Variants in ZFR observed in about 807,000 individuals in gnomAD.
The protein encoded by ZFR is zinc finger RNA binding protein.
Under a neutral mutation model 130.7 loss-of-function variants are expected in ZFR, and 19 were observed. The ratio of observed to expected loss-of-function variants is 0.15; its 90% CI spans 0.10 to 0.21. ZFR has a LOEUF of 0.21. Among genes scored for constraint, ZFR ranks in the 10% least tolerant of loss-of-function variants. The pLI is 1.00. For synonymous variants in ZFR, 466 were observed against 456.9 expected, an observed-to-expected ratio of 1.02 and a Z score of -0.25; for missense variants, 872 against 1,321.5, an observed-to-expected ratio of 0.66 and a Z score of 5.27.
At chr5:32,398,183 T>C (rs1753361899) in intron 9 of ZFR, among the ~76,000 whole-genome samples, 1 of 152,142 alleles carries the variant, frequency 6.6e-6, no homozygotes. Context: ...TATTTTTGTA[T>C]GTATGTAAGC....
chr5:32,416,696 G>A lies in ZFR; in HGVS notation c.565+952C>T, dbSNP rs1753834608. Among the ~76,000 whole-genome samples, 10 of 151,624 alleles carry A rather than the reference G, an allele frequency of 6.6e-5. 1 individual carries two copies. In the South Asian group the frequency reaches 2.1e-3, roughly 32 times the overall value. ...AAACATGTTAAAACCACTTTTAAGG[G>A]ACTCATAAAATCTTACAACTAGAAG... is the stretch of plus-strand genomic sequence containing the variant. On this transcript the variant is annotated intron_variant, in intron 4 of 19. Transcript: ENST00000265069.
At chr5:32,436,536 T>C (rs1281727840) in intron 2 of ZFR, among the ~76,000 whole-genome samples, 3 of 152,226 alleles carry the variant, frequency 2.0e-5, no homozygotes, top group African/African-American at 2.4e-5. Flanking sequence ...GTACTTTCTC[T>C]AGTTTCATCC....
chr5:32,440,464 A>G (rs899503013), intron 2 of ZFR, among the ~76,000 whole-genome samples: 2 of 152,146 alleles, frequency 1.3e-5, no homozygotes, highest in African/African-American at 4.8e-5. Flanking sequence ...CCTGGCCAAC[A>G]TGGTGAAACT....
intron 11 of ZFR, 52 bp from the exon 12 acceptor site, chr5:32,390,489 G>A: frequency 1.3e-6 from 2 of 1,521,982 alleles, no homozygotes; most frequent in Non-Finnish European, 8.9e-7. Flanking sequence ...TACAGCCCAA[G>A]AACTTGCATC....
At chr5:32,413,665 G>A (rs1482187185) in intron 5 of ZFR, among the ~76,000 whole-genome samples, 1 of 152,114 alleles carries the variant, frequency 6.6e-6, no homozygotes, top group South Asian at 2.1e-4. Flanking sequence ...TGAAGCTAAT[G>A]TGGACATTTA....
intron 4 of ZFR, among the ~76,000 whole-genome samples, chr5:32,417,301 G>A (rs1013146688): frequency 2.0e-5 from 3 of 152,106 alleles, no homozygotes; most frequent in Admixed American, 6.5e-5. Flanking sequence ...CCATTAAAGG[G>A]TCTCCACTGG....
rs750312372 is a variant in ZFR, at chr5:32,364,266, A to G, written c.2845T>C (p.Leu949=). The G allele has an allele frequency of 2.9e-5, 46 of 1,597,256 alleles. No individual in the cohort carries two copies. Among genetic ancestry groups the G allele is most frequent in the Non-Finnish European group, 3.9e-5 (45 of 1,167,892 alleles). ...WSDFPSWAME[L]LVEKAISSAS... ...CTGCTGATTGCTTTCTCTACTAGTA[A>G]CTCCATAGCCTAAAAATACAACATA... Residue 949 remains leucine (L), a synonymous_variant, in exon 18 of 20, where the codon TTA becomes CTA. Coordinates refer to ENST00000265069, the MANE Select transcript of ZFR (RefSeq NM_016107.5).
At chr5:32,435,206 C>T (rs1432608824) in intron 2 of ZFR, among the ~76,000 whole-genome samples, 2 of 152,144 alleles carry the variant, frequency 1.3e-5, no homozygotes, top group East Asian at 3.9e-4. Context: ...CCACAACACC[C>T]GACCTCTGTA....
At chr5:32,427,015 A>G (rs1754089471) in intron 2 of ZFR, among the ~76,000 whole-genome samples, 1 of 152,194 alleles carries the variant, frequency 6.6e-6, no homozygotes, top group Admixed American at 6.5e-5. Flanking sequence ...GTTAGAACTA[A>G]TAAAGGAAAT....
chr5:32,381,081 T>C (rs527690911), intron 15 of ZFR, among the ~76,000 whole-genome samples: 19 of 151,874 alleles, frequency 1.3e-4, no homozygotes, highest in South Asian at 8.3e-4. Context: ...AGAGAAACAA[T>C]AGGCAAGCAG....
chr5:32,419,096 C>T lies in ZFR; in HGVS notation c.420+725G>A, dbSNP rs527917385. On this transcript the variant is annotated intron_variant, in intron 3 of 19. Transcript: ENST00000265069. ...GAAAATATGTAATATGTTTGTCCTG[C>T]TCTCAAAATATTCTCAAAATAGGAG... is the stretch of plus-strand genomic sequence containing the variant. 9.8e-5 allele frequency among the ~76,000 whole-genome samples: 15 copies of T among 152,292 alleles called. No individual in the cohort carries two copies. The East Asian group carries it at 2.5e-3, about 25-fold the overall frequency.
chr5:32,440,475 C>T (rs1477908647), intron 2 of ZFR, among the ~76,000 whole-genome samples: 1 of 151,970 alleles, frequency 6.6e-6, no homozygotes, highest in East Asian at 1.9e-4. Flanking sequence ...TGGTGAAACT[C>T]GTCTGTACTA....
intron 13 of ZFR, 81 bp from the exon 14 acceptor site, chr5:32,387,780 G>A: frequency 7.5e-7 from 1 of 1,333,030 alleles, no homozygotes; most frequent in Non-Finnish European, 9.9e-7. Context: ...AATAGTAAGT[G>A]AAATAACTTT....
chr5:32,407,851 T>C (rs1753609807), intron 5 of ZFR, among the ~76,000 whole-genome samples: 1 of 152,184 alleles, frequency 6.6e-6, no homozygotes, highest in South Asian at 2.1e-4. Context: ...TGTTCAGTGA[T>C]TTACAGATTT....
At chr5:32,361,220 T>C (rs1752423592) in intron 19 of ZFR, among the ~76,000 whole-genome samples, 1 of 152,248 alleles carries the variant, frequency 6.6e-6, no homozygotes, top group African/African-American at 2.4e-5. Flanking sequence ...GGGAATTTAT[T>C]GCTCCAAAAC....
chr5:32,358,472 A>C lies in ZFR; in HGVS notation c.3046-2533T>G, dbSNP rs537842553. Reference sequence around the variant, plus strand: ...TCAGGAGATCCAGACCATCCTGGCTAACACGGTGAAACCCCGTCTCTACTA... The same window carrying C: ...TCAGGAGATCCAGACCATCCTGGCTCACACGGTGAAACCCCGTCTCTACTA... On this transcript the variant is annotated intron_variant, in intron 19 of 19. Transcript: ENST00000265069. Among the ~76,000 whole-genome samples the C allele has an allele frequency of 4.9e-4, 75 of 152,254 alleles. No homozygotes were observed. In the South Asian group the frequency reaches 0.015, roughly 31 times the overall value.
Position 32,387,021 on chromosome 5 carries a change from C to T in ZFR, c.2499+528G>A, listed in dbSNP as rs963858970. Among the ~76,000 whole-genome samples the T allele has an allele frequency of 4.6e-5, 7 of 152,094 alleles. No individual in the cohort carries two copies. In the South Asian group the frequency reaches 1.0e-3, roughly 23 times the overall value. On this transcript the variant is annotated intron_variant, in intron 14 of 19. Coordinates refer to ENST00000265069, the MANE Select transcript of ZFR (RefSeq NM_016107.5). Reference sequence around the variant, plus strand: ...AAAATACTCTATTAGTTTTGCATTGCCATGTTTTGCTGGATGGAGACGAGA... The same window carrying T: ...AAAATACTCTATTAGTTTTGCATTGTCATGTTTTGCTGGATGGAGACGAGA...
At chr5:32,392,534 A>G (rs1581693460) in intron 11 of ZFR, among the ~76,000 whole-genome samples, 1 of 152,214 alleles carries the variant, frequency 6.6e-6, no homozygotes, top group Non-Finnish European at 1.5e-5. Flanking sequence ...TTACCACAAA[A>G]GAAGTATAAA....
chr5:32,355,630 G>T lies in ZFR; in HGVS notation c.*130C>A. 1.2e-6 allele frequency: 1 copy of T among 850,638 alleles called. No individual in the cohort carries two copies. Among genetic ancestry groups the T allele is most frequent in the Non-Finnish European group, 1.7e-6 (1 of 588,678 alleles). The allele number at this position is 850,638 out of a possible 1,614,324, so 52.7% of individuals were successfully genotyped here. On this transcript the variant is annotated 3_prime_UTR_variant, in exon 20 of 20. Coordinates refer to ENST00000265069, the MANE Select transcript of ZFR (RefSeq NM_016107.5). The stretch of plus-strand genomic sequence containing the variant: ...ACACTGTACATTTTTTAATATCATA[G>T]AAAAACTTGGTTCTTCCATGAAATC...
Sources: allele counts gnomAD v4.1 joint callset (sites outside exome capture counted in the v4.1 genomes callset), GRCh38; gene constraint gnomAD v4.1.1; transcripts MANE v1.5; gene names NCBI Gene and HGNC (gene_info 2026-07-23, HGNC 2026-07-21).